Variants in SMARCD1 observed in about 807,000 individuals in gnomAD.
The protein encoded by SMARCD1 is SWI/SNF-related matrix-associated actin-dependent regulator of chromatin subfamily D member 1.
In SMARCD1, 16 loss-of-function variants were observed where a neutral mutation model predicts 70.8. The observed-to-expected ratio is 0.23, with a 90% CI of 0.15 to 0.34. SMARCD1 has a LOEUF of 0.34. Among genes scored for constraint, SMARCD1 ranks in the 10% least tolerant of loss-of-function variants. The probability of loss-of-function intolerance (pLI) is 1.00; values close to 1 mark genes in which losing one functional copy is unlikely to be tolerated. For missense variants in SMARCD1, 409 were observed against 655.5 expected (o/e 0.62, Z 4.11); for synonymous variants, 249 against 246.0 (o/e 1.01, Z -0.11).
Position 50,094,661 on chromosome 12 carries a change from T to TA in SMARCD1, c.1269+90dup. The TA allele has an allele frequency of 4.7e-6, 6 of 1,267,156 alleles. No homozygotes were observed. The South Asian group carries it at 8.0e-5, about 17-fold the overall frequency. 78.5% of individuals were successfully genotyped at this position (1,267,156 alleles called of 1,614,324 possible). Reference sequence around the variant, plus strand: ...TTTGATTCTTAGTGTTCATTCAAAATACGGTGACACCCAGTATATGTCAGG... The same window carrying TA: ...TTTGATTCTTAGTGTTCATTCAAAATAACGGTGACACCCAGTATATGTCAGG... On this transcript the variant is annotated intron_variant, in intron 10 of 12. Transcript: ENST00000394963.
At chr12:50,088,722 G>C (rs1430079699) in intron 6 of SMARCD1, 85 bp downstream of exon 6, 1 of 732,326 alleles carries the variant, frequency 1.4e-6, no homozygotes, top group African/African-American at 1.8e-5. Flanking sequence ...AGGAGATGGG[G>C]AGGTATAAAG....
Position 50,097,213 on chromosome 12 carries a change from C to G in SMARCD1, c.1392+241C>G, listed in dbSNP as rs189438210. Reference sequence around the variant, plus strand: ...CTTGTCAGGGATACAGAGTGGAAGACCTGATCTCTGCTTTCAAAGCAGCCT... The same window carrying G: ...CTTGTCAGGGATACAGAGTGGAAGAGCTGATCTCTGCTTTCAAAGCAGCCT... On this transcript the variant is annotated intron_variant, in intron 11 of 12. Transcript: ENST00000394963. 7.6e-4 allele frequency among the ~76,000 whole-genome samples: 116 copies of G among 152,310 alleles called. 1 individual carries two copies. The highest frequency in any genetic ancestry group is 2.7e-3 in the African/African-American group (112 of 41,562).
chr12:50,090,837 T>TG, intron 9 of SMARCD1, among the ~76,000 whole-genome samples: 1 of 140,646 alleles, frequency 7.1e-6, no homozygotes. Context: ...TTTTTTTTTT[T>TG]TTTTGGAGAC....
At chr12:50,091,521 C>T (rs1349225566) in intron 9 of SMARCD1, among the ~76,000 whole-genome samples, 1 of 152,040 alleles carries the variant, frequency 6.6e-6, no homozygotes, top group Non-Finnish European at 1.5e-5. Flanking sequence ...GTGATCCACC[C>T]GCCTTGGCTT....
chr12:50,093,463 C>CA (rs1211554753), intron 9 of SMARCD1, among the ~76,000 whole-genome samples: 2 of 150,658 alleles, frequency 1.3e-5, no homozygotes, highest in Non-Finnish European at 3.0e-5. Context: ...CGCACCTGGC[C>CA]AAAAAAGTTT....
chr12:50,086,367 AGAGGGAGGGAGG>A lies in SMARCD1; in HGVS notation c.365+27_365+38del. 1.4e-6 allele frequency: 1 copy of A among 709,658 alleles called. No homozygotes were observed. The allele number at this position is 709,658 out of a possible 1,614,324, so 44.0% of individuals were successfully genotyped here. On this transcript the variant is annotated intron_variant, in intron 2 of 12. Coordinates refer to ENST00000394963, the MANE Select transcript of SMARCD1 (RefSeq NM_003076.5). ...ACCACAAGTAAGATGATCCTGGGGCAGAGGGAGGGAGGGAGGGAGCCTGGGAGGACACAGGTG... is the reference window on the plus strand; with the variant it reads ...ACCACAAGTAAGATGATCCTGGGGCAGAGGGAGCCTGGGAGGACACAGGTG...
At chr12:50,086,710 A>G (rs1244960862) in intron 3 of SMARCD1, 46 bp from the exon 4 acceptor site, 4 of 1,613,836 alleles carry the variant, frequency 2.5e-6, no homozygotes, top group Non-Finnish European at 3.4e-6. Flanking sequence ...GAGTTTGAGT[A>G]TAGAGATGAT....
chr12:50,095,091 C>G (rs1258861636), intron 10 of SMARCD1, among the ~76,000 whole-genome samples: 1 of 152,222 alleles, frequency 6.6e-6, no homozygotes, highest in Admixed American at 6.5e-5. Flanking sequence ...AGCCACCACG[C>G]CCAGCCCATA....
At chr12:50,088,691 G>A in intron 6 of SMARCD1, 54 bp downstream of exon 6, 1 of 1,007,400 alleles carries the variant, frequency 9.9e-7, no homozygotes, top group South Asian at 1.4e-5. Context: ...GATGGACTTG[G>A]GAGCCGTATT....
At chr12:50,090,106 T>TA in intron 7 of SMARCD1, 121 bp downstream of exon 7, 4 of 1,267,814 alleles carry the variant, frequency 3.2e-6, no homozygotes, top group Non-Finnish European at 3.4e-6. Context: ...GATAGAGTCT[T>TA]AGTCATCTCT....
At chr12:50,090,949 C>T (rs1410584868) in intron 9 of SMARCD1, among the ~76,000 whole-genome samples, 5 of 150,974 alleles carry the variant, frequency 3.3e-5, no homozygotes, top group African/African-American at 4.9e-5. Context: ...CTCAGCCTCC[C>T]GAGTAGCCGG....
intron 12 of SMARCD1, 65 bp from the exon 13 acceptor site, chr12:50,098,882 A>G: frequency 6.2e-7 from 1 of 1,600,400 alleles, no homozygotes; most frequent in South Asian, 1.1e-5. Context: ...GATGGGGGTC[A>G]GTGGTGTTAG....
chr12:50,092,769 G>T (rs1950858108), intron 9 of SMARCD1, among the ~76,000 whole-genome samples: 1 of 152,078 alleles, frequency 6.6e-6, no homozygotes, highest in Non-Finnish European at 1.5e-5. Context: ...AGGCACGGTG[G>T]CACATTCCTG....
At chr12:50,090,975 T>C (rs1950838083) in intron 9 of SMARCD1, among the ~76,000 whole-genome samples, 1 of 151,750 alleles carries the variant, frequency 6.6e-6, no homozygotes, top group Non-Finnish European at 1.5e-5. Context: ...CAGGCACCCG[T>C]CACCACACCT....
rs2137883726 is a variant in SMARCD1 at position 50,090,348 on chromosome 12, G to A, written c.981G>A (p.Lys327=). ...QALWQYIKTH[K]LQDPHEREFV... is the part of the protein sequence containing the mutation. ...TGTGGCAATATATTAAGACACATAA[G>A]CTCCAGGACCCTCACGAGCGGGAGT... Residue 327 remains lysine, a synonymous_variant, in exon 8 of 13, where the codon AAG becomes AAA. Transcript: ENST00000394963. The A allele has an allele frequency of 6.2e-7, 1 of 1,614,132 alleles. No individual in the cohort carries two copies. Among genetic ancestry groups the A allele is most frequent in the Non-Finnish European group, 8.5e-7 (1 of 1,180,032 alleles).
At chr12:50,089,124 C>G (rs906754124) in intron 6 of SMARCD1, 1 of 152,256 alleles carries the variant, frequency 6.6e-6, no homozygotes. Context: ...TATTATGATG[C>G]CTGATTGCAC....
Position 50,099,358 on chromosome 12 carries a change from G to A in SMARCD1, c.*358G>A, listed in dbSNP as rs1050728. ...TCAAGGGGACCAGCTAACTGATCCT[G>A]CCCTTCAGAGACCCAGGAGTTGGGA... On this transcript the variant is annotated 3_prime_UTR_variant, in exon 13 of 13. Coordinates refer to ENST00000394963, the MANE Select transcript of SMARCD1 (RefSeq NM_003076.5). The A allele has an allele frequency of 4.3e-6, 2 of 468,186 alleles. No homozygotes were observed. Among genetic ancestry groups the A allele is most frequent in the Non-Finnish European group, 7.5e-6 (2 of 266,490 alleles). 29.0% of individuals were successfully genotyped at this position (468,186 alleles called of 1,614,324 possible). A position where few individuals can be genotyped will look rare whatever the true frequency, so the allele number is the denominator to read the frequency against.
rs116829196 is a variant in SMARCD1 at position 50,096,742 on chromosome 12, C to T, written c.1270-108C>T. 2,223 of 975,576 alleles carry T rather than the reference C, an allele frequency of 2.3e-3. 27 individuals are homozygous for T. In the African/African-American group the frequency reaches 0.032, roughly 14 times the overall value. The allele number at this position is 975,576 out of a possible 1,614,324, so 60.4% of individuals were successfully genotyped here. A position where few individuals can be genotyped will look rare whatever the true frequency, so the allele number is the denominator to read the frequency against. On this transcript the variant is annotated intron_variant, in intron 10 of 12. Coordinates refer to ENST00000394963, the MANE Select transcript of SMARCD1 (RefSeq NM_003076.5). ...ATATGATGGTGCCAGCTGTGGGCAG[C>T]ATGGTGACTAGGTTGGAAGTGGCAT...
At chr12:50,092,412 C>T (rs181266946) in intron 9 of SMARCD1, among the ~76,000 whole-genome samples, 3 of 150,984 alleles carry the variant, frequency 2.0e-5, no homozygotes, top group East Asian at 3.9e-4. Context: ...TTAGTAGAGA[C>T]GGGGTTTTAC....
Sources: gnomAD v4.1 joint callset for allele counts (sites outside exome capture counted in the v4.1 genomes callset) on GRCh38, gnomAD v4.1.1 for gene constraint, MANE v1.5 for transcripts, NCBI Gene and HGNC (gene_info 2026-07-23, HGNC 2026-07-21) for gene names.